CROCC: variants seen among roughly 807,000 people sequenced by gnomAD.
CROCC encodes the protein rootletin.
CROCC carries 180 observed loss-of-function variants against 245.2 expected under a neutral mutation model. The observed-to-expected ratio is 0.73, with a 90% CI of 0.65 to 0.83. The LOEUF (loss-of-function observed/expected upper bound fraction) is 0.83, where lower values mean the gene tolerates loss of function less well. Ranked by LOEUF, CROCC falls within the 40% of genes least tolerant of loss-of-function variation. The pLI, the probability that CROCC is intolerant of heterozygous loss-of-function variation, is 0.00. For missense variants in CROCC, 2,688 were observed against 2,779.4 expected, an observed-to-expected ratio of 0.97 and a Z score of 0.74; for synonymous variants, 1,205 against 1,241.6, an observed-to-expected ratio of 0.97 and a Z score of 0.62.
In CROCC at chr1:16,940,139, G is replaced by T. The variant is rs762734033; in HGVS notation, c.1808+46G>T. 4.6e-5 allele frequency: 72 copies of T among 1,550,622 alleles called. No individual in the cohort carries two copies. The African/African-American group carries it at 9.0e-4, about 19-fold the overall frequency. On this transcript the variant is annotated intron_variant, in intron 13 of 36. Transcript: ENST00000375541. ...GGGGGGTACTGAAGAATAAGTCACCGTCTGGGCATAACACCAGTCAAGCCT... is the reference window on the plus strand; with the variant it reads ...GGGGGGTACTGAAGAATAAGTCACCTTCTGGGCATAACACCAGTCAAGCCT...
intron 9 of CROCC, among the ~76,000 whole-genome samples, chr1:16,937,382 G>A (rs1352500699): frequency 2.2e-4 from 33 of 151,784 alleles, no homozygotes; most frequent in African/African-American, 6.5e-4. Flanking sequence ...AAAAGAACTC[G>A]TGCCCCTTAC....
chr1:16,929,220 G>A (rs1318742725), intron 3 of CROCC, among the ~76,000 whole-genome samples: 11 of 152,280 alleles, frequency 7.2e-5, no homozygotes, highest in Non-Finnish European at 1.5e-4. Flanking sequence ...GGGTTCCTTC[G>A]TGTCCTCCGG....
intron 25 of CROCC, 101 bp from the exon 26 acceptor site, chr1:16,958,482 T>A: frequency 2.2e-6 from 3 of 1,384,868 alleles, no homozygotes; most frequent in Non-Finnish European, 3.0e-6. Context: ...TGGTATTTGA[T>A]ACATGTGTCC....
chr1:16,955,264 C>CGG (rs151046905), intron 23 of CROCC, 48 bp from the exon 24 acceptor site: 207 of 1,571,334 alleles, frequency 1.3e-4, no homozygotes, highest in Middle Eastern at 5.3e-4. Context: ...CCCAGCTTGA[C>CGG]GGGGGGGTCC....
intron 19 of CROCC, among the ~76,000 whole-genome samples, chr1:16,949,839 G>T (rs1342894118): frequency 6.6e-6 from 1 of 151,948 alleles, no homozygotes; most frequent in Non-Finnish European, 1.5e-5. Context: ...GCACTATCTC[G>T]GCTCACCTCA....
At chr1:16,949,770 TTTTG>T (rs957710606) in intron 19 of CROCC, among the ~76,000 whole-genome samples, 9 of 152,304 alleles carry the variant, frequency 5.9e-5, no homozygotes, top group South Asian at 4.1e-4. Context: ...TAGGGTTGTT[TTTTG>T]TTTGTTTGTT....
chr1:16,967,299 G>A (rs777033638), intron 30 of CROCC, among the ~76,000 whole-genome samples: 16 of 152,148 alleles, frequency 1.1e-4, no homozygotes, highest in Admixed American at 1.3e-4. Flanking sequence ...TGCGTCTGTC[G>A]GGCAGGAAAC....
chr1:16,916,012 C>G (rs7522028), intron 1 of CROCC, among the ~76,000 whole-genome samples: 7,891 of 151,608 alleles, frequency 0.052, 54 homozygotes, highest in African/African-American at 0.08. Context: ...AACCTCATCT[C>G]TACTAATACA....
Position 16,939,945 on chromosome 1 carries a change from A to T in CROCC, c.1660A>T (p.Lys554Ter). ...CCAGGACCTACTGGGCACCCTGCGGAAGCAGCTTAGCGACAGCGAGAGCGA... is the reference window on the plus strand; with the variant it reads ...CCAGGACCTACTGGGCACCCTGCGGTAGCAGCTTAGCGACAGCGAGAGCGA... ...ASQDLLGTLR[K>*]QLSDSESERR... The change falls in exon 13 of 37, where the codon AAG (lysine) becomes TAG (stop). Residue 554 changes from lysine (K) to a stop codon, truncating the protein, a stop_gained. Transcript: ENST00000375541. LOFTEE classifies it high-confidence loss of function. The T allele has an allele frequency of 1.2e-6, 2 of 1,612,844 alleles. No individual in the cohort carries two copies. The highest frequency in any genetic ancestry group is 1.7e-6 in the Non-Finnish European group (2 of 1,179,808).
chr1:16,941,053 G>T (rs758728131), intron 13 of CROCC: 171 of 248,178 alleles, frequency 6.9e-4, no homozygotes, highest in Non-Finnish European at 1.2e-3. Context: ...AGAGATGGGG[G>T]TCTCACTATG....
chr1:16,934,466 A>G (rs1236023997), intron 8 of CROCC, among the ~76,000 whole-genome samples: 1 of 152,302 alleles, frequency 6.6e-6, no homozygotes, highest in East Asian at 1.9e-4. Context: ...TATCTAGCTA[A>G]TTTTTGTTTG....
At chr1:16,928,137 G>T (rs1223026456) in intron 3 of CROCC, among the ~76,000 whole-genome samples, 2 of 152,292 alleles carry the variant, frequency 1.3e-5, no homozygotes, top group Non-Finnish European at 2.9e-5. Flanking sequence ...CCCTGCACGG[G>T]TGGGCTTTTG....
rs912493440 is a variant in CROCC, at chr1:16,960,812, G to A, written c.4087G>A (p.Glu1363Lys). Residue 1363 changes from glutamate to lysine, a missense_variant, in exon 27 of 37, where the codon GAG (glutamate) becomes AAG (lysine). Glu to Lys is a moderately conservative substitution (Grantham distance 56). Around this residue, in one of 9 missense-constraint regions of CROCC, gnomAD observed 1,218 missense variants for 1,286.3 expected, o/e 0.95. Transcript: ENST00000375541. Reference sequence around the variant, plus strand: ...ACAAGAAGGCGAGTTCCGGACCCGCGAGCGACGCCTGCTGGGCTCCCTGGA... The same window carrying A: ...ACAAGAAGGCGAGTTCCGGACCCGCAAGCGACGCCTGCTGGGCTCCCTGGA... ...QEQEGEFRTR[E>K]RRLLGSLEEA... 1.3e-6 allele frequency: 2 copies of A among 1,524,960 alleles called. No homozygotes were observed. Among genetic ancestry groups the A allele is most frequent in the East Asian group, 2.5e-5 (1 of 39,392 alleles). The allele number at this position is 1,524,960 out of a possible 1,614,324, so 94.5% of individuals were successfully genotyped here. A position where few individuals can be genotyped will look rare whatever the true frequency, so the allele number is the denominator to read the frequency against.
chr1:16,972,248 C>A (rs2076533634), intron 36 of CROCC, 112 bp from the exon 37 acceptor site: 1 of 858,318 alleles, frequency 1.2e-6, no homozygotes, highest in Non-Finnish European at 2.0e-6. Flanking sequence ...CTCAGTGAGA[C>A]CAGACCTTTC....
Position 16,922,688 on chromosome 1 carries a change from A to G in CROCC, c.86A>G (p.Gln29Arg), listed in dbSNP as rs1340482927. Reference sequence around the variant, plus strand: ...ACACTGGAGAGCAGCGTCCTGTGCCAGGAGAAAGGCTTGGGCGCGCGGGAC... The same window carrying G: ...ACACTGGAGAGCAGCGTCCTGTGCCGGGAGAAAGGCTTGGGCGCGCGGGAC... Reference protein sequence around the residue: ...IQTLESSVLCQEKGLGARDLA... With the variant: ...IQTLESSVLCREKGLGARDLA... Residue 29 changes from glutamine (Q) to arginine (R), a missense_variant, in exon 2 of 37, where the codon CAG becomes CGG. Gln to Arg is a conservative substitution (Grantham distance 43). Coordinates refer to ENST00000375541, the MANE Select transcript of CROCC (RefSeq NM_014675.5). 17 of 1,612,826 alleles carry G rather than the reference A, an allele frequency of 1.1e-5. No individual in the cohort carries two copies. The highest frequency in any genetic ancestry group is 1.2e-5 in the Non-Finnish European group (14 of 1,179,580).
At chr1:16,931,473 T>C in intron 8 of CROCC, 76 bp downstream of exon 8, 5 of 1,385,084 alleles carry the variant, frequency 3.6e-6, no homozygotes, top group Non-Finnish European at 5.1e-6. Flanking sequence ...TCAGTTGAAT[T>C]TCAGTTCAAC....
At chr1:16,963,587 C>T (rs569614289) in intron 27 of CROCC, among the ~76,000 whole-genome samples, 7 of 152,208 alleles carry the variant, frequency 4.6e-5, no homozygotes, top group Admixed American at 2.0e-4. Context: ...GTTTTGGTGT[C>T]CCTCTGCGGC....
At chr1:16,927,642 G>A (rs12144283) in intron 3 of CROCC, among the ~76,000 whole-genome samples, 23,263 of 148,806 alleles carry the variant, frequency 0.16, no homozygotes, top group East Asian at 0.4. Context: ...AGTGTCCTGC[G>A]TGGAGACAAA....
rs1398790735 is a variant in CROCC at position 16,960,881 on chromosome 1, G to C, written c.4156G>C (p.Gly1386Arg). The change falls in exon 27 of 37, where the codon GGC (glycine) becomes CGC (arginine). Residue 1386 changes from glycine to arginine, a missense_variant. Physicochemically the swap from Gly to Arg is moderately radical, Grantham distance 125 (BLOSUM62 -2). Transcript: ENST00000375541. ...AAAGCAGCAGCTGGACCACGCCCGC[G>C]GCCTGGAGCTGAAGCTGGAGGCGGC... Reference protein sequence around the residue: ...TEKQQLDHARGLELKLEAARA... With the variant: ...TEKQQLDHARRLELKLEAARA... The C allele has an allele frequency of 6.6e-7, 1 of 1,513,596 alleles. No homozygotes were observed. Among genetic ancestry groups the C allele is most frequent in the Non-Finnish European group, 8.8e-7 (1 of 1,137,740 alleles). The allele number at this position is 1,513,596 out of a possible 1,614,324, so 93.8% of individuals were successfully genotyped here. A position where few individuals can be genotyped will look rare whatever the true frequency, so the allele number is the denominator to read the frequency against.
Sources: gnomAD v4.1 joint callset for allele counts (sites outside exome capture counted in the v4.1 genomes callset) on GRCh38, gnomAD v4.1.1 for gene constraint, gnomAD v4.1.1 regional missense constraint, MANE v1.5 for transcripts, NCBI Gene and HGNC (gene_info 2026-07-23, HGNC 2026-07-21) for gene names.